The following UNC13C variants were observed in gnomAD, a reference collection of about 807,000 sequenced individuals.
UNC13C encodes the protein protein unc-13 homolog C.
Under a neutral mutation model 245.4 loss-of-function variants are expected in UNC13C, and 174 were observed. The ratio of observed to expected loss-of-function variants is 0.71; its 90% CI spans 0.63 to 0.80. UNC13C has a LOEUF of 0.80. Ranked by LOEUF, UNC13C falls within the 30% of genes least tolerant of loss-of-function variation. UNC13C has a pLI of 0.00. For synonymous variants in UNC13C, 992 were observed against 895.1 expected, an observed-to-expected ratio of 1.11 and a Z score of -1.93; for missense variants, 2,829 against 2,602.9, an observed-to-expected ratio of 1.09 and a Z score of -1.89.
At chr15:54,371,685 T>A (rs1259418956) in intron 17 of UNC13C, among the ~76,000 whole-genome samples, 1 of 150,170 alleles carries the variant, frequency 6.7e-6, no homozygotes, top group Non-Finnish European at 1.5e-5. Context: ...AGCTTTAAAA[T>A]AAAATACCCC....
intron 16 of UNC13C, among the ~76,000 whole-genome samples, chr15:54,337,820 A>AT (rs1440786090): frequency 6.6e-6 from 1 of 152,122 alleles, no homozygotes; most frequent in Non-Finnish European, 1.5e-5. Context: ...AAAAGCTAAG[A>AT]TTTTTATAGT....
At chr15:54,101,025 A>AT (rs1262235979) in intron 2 of UNC13C, among the ~76,000 whole-genome samples, 1 of 152,140 alleles carries the variant, frequency 6.6e-6, no homozygotes, top group Non-Finnish European at 1.5e-5. Flanking sequence ...GCCCATTTCA[A>AT]TTTTTTAATA....
At chr15:53,880,497 C>T in the UNC13C span, among the ~76,000 whole-genome samples, 1 of 152,142 alleles carries the variant, frequency 6.6e-6, no homozygotes, top group Non-Finnish European at 1.5e-5. Flanking sequence ...TAGAATACAA[C>T]GGCGGGTCAG....
intron 4 of UNC13C, among the ~76,000 whole-genome samples, chr15:54,179,250 A>T (rs2033717491): frequency 6.6e-6 from 1 of 152,172 alleles, no homozygotes; most frequent in African/African-American, 2.4e-5. Context: ...ATAAAAAATT[A>T]TTGAAAATGT....
chr15:54,005,913 A>G (rs1204420948), intron 1 of UNC13C, among the ~76,000 whole-genome samples: 1 of 152,188 alleles, frequency 6.6e-6, no homozygotes, highest in Non-Finnish European at 1.5e-5. Flanking sequence ...TGGGATATTT[A>G]AGGGAAATTA....
At chr15:54,625,968 C>G (rs1339714682) in intron 32 of UNC13C, among the ~76,000 whole-genome samples, 1 of 151,992 alleles carries the variant, frequency 6.6e-6, no homozygotes, top group African/African-American at 2.4e-5. Flanking sequence ...TCAGATTCTC[C>G]CTAAAGTACA....
At chr15:54,422,966 C>CAT (rs1475777493) in intron 19 of UNC13C, among the ~76,000 whole-genome samples, 2 of 142,912 alleles carry the variant, frequency 1.4e-5, no homozygotes, top group Non-Finnish European at 3.1e-5. Flanking sequence ...AGTACACACA[C>CAT]ACACACACAC....
At chr15:54,217,534 TG>T (rs1441310056) in intron 4 of UNC13C, among the ~76,000 whole-genome samples, 3 of 152,034 alleles carry the variant, frequency 2.0e-5, no homozygotes, top group Non-Finnish European at 4.4e-5. Context: ...TTCCTTAGTT[TG>T]GATGATTGTA....
At chr15:54,408,214 A>AAAAAAAAC (rs1567246299) in intron 18 of UNC13C, among the ~76,000 whole-genome samples, 2 of 146,582 alleles carry the variant, frequency 1.4e-5, no homozygotes, top group Non-Finnish European at 3.0e-5. Context: ...AAAAAAAAAA[A>AAAAAAAAC]AAAAAAAAAA....
At chr15:54,192,704 CAGAGTT>C (rs1207352534) in intron 4 of UNC13C, among the ~76,000 whole-genome samples, 2 of 152,118 alleles carry the variant, frequency 1.3e-5, no homozygotes, top group East Asian at 3.9e-4. Flanking sequence ...ATTTCAATTA[CAGAGTT>C]CTGTTAGTTT....
chr15:54,237,745 G>A, intron 7 of UNC13C, 55 bp downstream of exon 7: 3 of 1,374,230 alleles, frequency 2.2e-6, no homozygotes, highest in Admixed American at 1.9e-5. Flanking sequence ...ATAATCACAA[G>A]GGAGAAACTG....
At chr15:54,112,389 C>A (rs1441620943) in intron 2 of UNC13C, among the ~76,000 whole-genome samples, 1 of 152,130 alleles carries the variant, frequency 6.6e-6, no homozygotes, top group Non-Finnish European at 1.5e-5. Context: ...GAAGTGGTGT[C>A]TGATTTACAT....
At chr15:54,566,498 C>A (rs1309271995) in intron 29 of UNC13C, among the ~76,000 whole-genome samples, 1 of 152,016 alleles carries the variant, frequency 6.6e-6, no homozygotes, top group East Asian at 1.9e-4. Flanking sequence ...TTGCCAAAGC[C>A]TGTGTTTTCA....
At chr15:54,418,397 A>T (rs884041) in intron 19 of UNC13C, among the ~76,000 whole-genome samples, 27,610 of 152,064 alleles carry the variant, frequency 0.18, 2,644 homozygotes, top group Middle Eastern at 0.19. Flanking sequence ...AATGGAGATC[A>T]GGGAGAATAG....
chr15:53,841,341 C>G, the UNC13C span, among the ~76,000 whole-genome samples: 1 of 152,018 alleles, frequency 6.6e-6, no homozygotes. Context: ...AACTCCCATT[C>G]CTTCCAATTA....
In UNC13C at chr15:54,626,452, G is replaced by A. The variant is rs1010287640; in HGVS notation, c.6360-376G>A. Among the ~76,000 whole-genome samples the A allele has an allele frequency of 3.4e-5, 5 of 147,360 alleles. No individual in the cohort carries two copies. In the South Asian group the frequency reaches 6.3e-4, roughly 19 times the overall value. On this transcript the variant is annotated intron_variant, in intron 32 of 32. Transcript: ENST00000260323. ...AGGAGTAGTAACTGATATTGAAATG[G>A]GGAGGTAAAGTGCGAGTAGTAACTG...
At chr15:54,594,553 C>T (rs553319728) in intron 30 of UNC13C, among the ~76,000 whole-genome samples, 22 of 152,100 alleles carry the variant, frequency 1.4e-4, no homozygotes, top group African/African-American at 5.3e-4. Context: ...AAGTTGTATA[C>T]CTAGGAGGAT....
intron 2 of UNC13C, among the ~76,000 whole-genome samples, chr15:54,116,309 A>G (rs895578132): frequency 1.3e-5 from 2 of 152,170 alleles, no homozygotes; most frequent in African/African-American, 4.8e-5. Flanking sequence ...CTATTTTGAA[A>G]TATACAATAG....
At position 54,457,318 on chromosome 15, in the gene UNC13C, C is replaced by T. The variant is rs756059716; in HGVS notation, c.4934-37290C>T. On this transcript the variant is annotated intron_variant, in intron 19 of 32. Coordinates refer to ENST00000260323, the MANE Select transcript of UNC13C (RefSeq NM_001080534.3). Reference sequence around the variant, plus strand: ...AGGTTTTTTGCATTTATGTTAATCACGGATATGTTCTGTAGTTTTCTTTTT... The same window carrying T: ...AGGTTTTTTGCATTTATGTTAATCATGGATATGTTCTGTAGTTTTCTTTTT... Among the ~76,000 whole-genome samples the T allele has an allele frequency of 3.3e-5, 5 of 152,082 alleles. No individual in the cohort carries two copies. In the South Asian group the frequency reaches 6.2e-4, roughly 19 times the overall value.
Sources: gnomAD v4.1 joint callset for allele counts (sites outside exome capture counted in the v4.1 genomes callset) on GRCh38, gnomAD v4.1.1 for gene constraint, MANE v1.5 for transcripts, NCBI Gene and HGNC (gene_info 2026-07-23, HGNC 2026-07-21) for gene names.